The following EBF2 variants were observed in gnomAD, a reference collection of about 807,000 sequenced individuals.
EBF2 encodes transcription factor COE2.
EBF2 carries 21 observed loss-of-function variants against 72.8 expected under a neutral mutation model. The ratio of observed to expected loss-of-function variants is 0.29; its 90% CI spans 0.20 to 0.42. The LOEUF (loss-of-function observed/expected upper bound fraction) is 0.42, where lower values mean the gene tolerates loss of function less well. Ranked by LOEUF, EBF2 falls within the 10% of genes least tolerant of loss-of-function variation. The pLI, the probability that EBF2 is intolerant of heterozygous loss-of-function variation, is 1.00. For missense variants in EBF2, 637 were observed against 731.2 expected (o/e 0.87, Z 1.49); for synonymous variants, 299 against 274.2 (o/e 1.09, Z -0.89).
chr8:25,963,695 G>T (rs977201153), intron 6 of EBF2, among the ~76,000 whole-genome samples: 1 of 152,134 alleles, frequency 6.6e-6, no homozygotes, highest in Non-Finnish European at 1.5e-5. Flanking sequence ...ACCATTTGTT[G>T]TCATGTGGTT....
chr8:25,858,285 G>C, intron 14 of EBF2, 34 bp downstream of exon 14: 2 of 1,611,598 alleles, frequency 1.2e-6, no homozygotes, highest in Non-Finnish European at 1.7e-6. Flanking sequence ...AGACAAAAAA[G>C]CATGGAGAGC....
chr8:25,953,554 G>T (rs922173043), intron 6 of EBF2, among the ~76,000 whole-genome samples: 7 of 152,118 alleles, frequency 4.6e-5, no homozygotes, highest in Non-Finnish European at 8.8e-5. Context: ...GTCCCATACC[G>T]CAGAGGAAAA....
chr8:25,933,453 AT>A (rs1325458122), intron 6 of EBF2, among the ~76,000 whole-genome samples: 6 of 152,234 alleles, frequency 3.9e-5, no homozygotes, highest in African/African-American at 1.4e-4. Context: ...AAAGACTTCC[AT>A]TTTGGGAACT....
At chr8:25,977,961 G>C (rs1017567337) in intron 6 of EBF2, among the ~76,000 whole-genome samples, 2 of 152,132 alleles carry the variant, frequency 1.3e-5, no homozygotes, top group Non-Finnish European at 2.9e-5. Flanking sequence ...TTTGACTTGA[G>C]CTTTACTGCA....
chr8:25,996,790 T>C (rs2117215701), intron 6 of EBF2, among the ~76,000 whole-genome samples: 1 of 152,056 alleles, frequency 6.6e-6, no homozygotes, highest in Admixed American at 6.6e-5. Context: ...GGAAAGATGG[T>C]AAGAGAATGA....
intron 6 of EBF2, among the ~76,000 whole-genome samples, chr8:26,005,867 A>T (rs1804872624): frequency 1.3e-5 from 2 of 150,890 alleles, no homozygotes; most frequent in Admixed American, 1.3e-4. Flanking sequence ...TGATAGAAAG[A>T]CTCATGCTTT....
At chr8:25,869,940 T>C (rs927455633) in intron 10 of EBF2, among the ~76,000 whole-genome samples, 2 of 152,196 alleles carry the variant, frequency 1.3e-5, no homozygotes, top group Non-Finnish European at 2.9e-5. Context: ...CCTGCTTCTC[T>C]AACTCCAAAG....
chr8:25,953,236 T>C (rs937993014), intron 6 of EBF2, among the ~76,000 whole-genome samples: 1 of 152,170 alleles, frequency 6.6e-6, no homozygotes, highest in Non-Finnish European at 1.5e-5. Context: ...TTCACCATAT[T>C]GGAAAGCCCT....
chr8:25,990,993 G>T (rs1804533534), intron 6 of EBF2, among the ~76,000 whole-genome samples: 1 of 152,142 alleles, frequency 6.6e-6, no homozygotes, highest in Non-Finnish European at 1.5e-5. Flanking sequence ...TAGCTGAATG[G>T]CAGCTAATGG....
chr8:25,893,459 G>C (rs769388228), intron 7 of EBF2, among the ~76,000 whole-genome samples: 1 of 151,672 alleles, frequency 6.6e-6, no homozygotes, highest in Non-Finnish European at 1.5e-5. Context: ...GCTAATTTTT[G>C]TATTTTTGGG....
chr8:26,017,842 T>C (rs1236941034), intron 6 of EBF2, among the ~76,000 whole-genome samples: 1 of 152,220 alleles, frequency 6.6e-6, no homozygotes, highest in Non-Finnish European at 1.5e-5. Context: ...GGGGTTTCAC[T>C]GTGCCACCTC....
At chr8:26,025,268 G>C (rs1261176365) in intron 6 of EBF2, among the ~76,000 whole-genome samples, 1 of 152,108 alleles carries the variant, frequency 6.6e-6, no homozygotes. Context: ...AGTCTTCGGA[G>C]AGCTTTTTGT....
In EBF2 at chr8:25,858,412, T is replaced by C. The variant is rs1303121274; in HGVS notation, c.1435A>G (p.Met479Val). 4 of 1,614,152 alleles carry C rather than the reference T, an allele frequency of 2.5e-6. No individual in the cohort carries two copies. The highest frequency in any genetic ancestry group is 1.7e-5 in the Admixed American group (1 of 60,016). ...ATGGGGACATTGCTGTAGCCATTCA[T>C]ACTGTTGCTGGAGGTACTGTAATTA... ...QSNYSTSSNS[M>V]NGYSNVPMAN... is the part of the protein sequence containing the mutation. Residue 479 changes from methionine to valine, a missense_variant, in exon 14 of 16, where the codon ATG becomes GTG. By Grantham distance (21) the Met-to-Val change is conservative. Coordinates refer to ENST00000520164, the MANE Select transcript of EBF2 (RefSeq NM_022659.4).
intron 6 of EBF2, among the ~76,000 whole-genome samples, chr8:25,966,429 C>T (rs570102419): frequency 3.3e-5 from 5 of 152,306 alleles, no homozygotes; most frequent in South Asian, 2.1e-4. Context: ...AATCACTTTC[C>T]GGACTCTACC....
intron 6 of EBF2, among the ~76,000 whole-genome samples, chr8:25,995,797 G>A (rs758888692): frequency 1.3e-5 from 2 of 151,700 alleles, no homozygotes; most frequent in Non-Finnish European, 2.9e-5. Flanking sequence ...CATTAACTGT[G>A]TAAAAAAGCT....
intron 6 of EBF2, among the ~76,000 whole-genome samples, chr8:26,014,668 T>C (rs1431656695): frequency 6.6e-6 from 1 of 152,220 alleles, no homozygotes; most frequent in African/African-American, 2.4e-5. Flanking sequence ...GATCCCAGCA[T>C]AGAAAATGCC....
intron 6 of EBF2, among the ~76,000 whole-genome samples, chr8:25,959,168 A>G (rs1369208190): frequency 6.6e-6 from 1 of 152,194 alleles, no homozygotes; most frequent in East Asian, 1.9e-4. Context: ...AGGAGCAAAC[A>G]TAAGGTTGTT....
At chr8:26,010,464 G>A (rs1003804036) in intron 6 of EBF2, among the ~76,000 whole-genome samples, 3 of 152,206 alleles carry the variant, frequency 2.0e-5, no homozygotes, top group Non-Finnish European at 4.4e-5. Context: ...GCTTAGTGGA[G>A]AAGGTGTTAA....
chr8:25,950,055 C>T (rs1803832620), intron 6 of EBF2, among the ~76,000 whole-genome samples: 1 of 152,216 alleles, frequency 6.6e-6, no homozygotes, highest in African/African-American at 2.4e-5. Context: ...TTGTCAGTCT[C>T]AGTCTAGAAC....
Sources: gnomAD v4.1 joint callset for allele counts (sites outside exome capture counted in the v4.1 genomes callset) on GRCh38, gnomAD v4.1.1 for gene constraint, MANE v1.5 for transcripts, NCBI Gene and HGNC (gene_info 2026-07-23, HGNC 2026-07-21) for gene names.